The following GFRA1 variants were observed in gnomAD, a reference collection of about 807,000 sequenced individuals.
The protein encoded by GFRA1 is GDNF family receptor alpha-1.
A neutral mutation model predicts 51.6 loss-of-function variants in GFRA1; 16 were observed. The ratio of observed to expected loss-of-function variants is 0.31; its 90% CI spans 0.21 to 0.47. The LOEUF (loss-of-function observed/expected upper bound fraction) is 0.47. GFRA1 is among the 20% of genes least tolerant of loss of function. The probability of loss-of-function intolerance (pLI) is 1.00; values close to 1 mark genes in which losing one functional copy is unlikely to be tolerated. For missense variants in GFRA1, 530 were observed against 594.3 expected (o/e 0.89, Z 1.13); for synonymous variants, 270 against 241.3 (o/e 1.12, Z -1.10).
intron 9 of GFRA1, among the ~76,000 whole-genome samples, chr10:116,074,596 G>A (rs896125196): frequency 2.6e-5 from 4 of 152,206 alleles, no homozygotes; most frequent in Admixed American, 1.3e-4. Flanking sequence ...AGTGGTGAGT[G>A]CCTCTCTGAG....
intron 8 of GFRA1, among the ~76,000 whole-genome samples, chr10:116,093,105 T>C (rs911185094): frequency 2.6e-5 from 4 of 152,166 alleles, no homozygotes; most frequent in African/African-American, 7.2e-5. Flanking sequence ...CCAGTGCTTA[T>C]CTCGCCTCCA....
intron 5 of GFRA1, among the ~76,000 whole-genome samples, chr10:116,160,870 C>A (rs150415908): frequency 2.5e-4 from 38 of 152,164 alleles, no homozygotes; most frequent in Non-Finnish European, 5.1e-4. Flanking sequence ...GAAAGGAGGG[C>A]ACCTGTCAAT....
chr10:116,130,431 A>G (rs144502782), intron 5 of GFRA1, among the ~76,000 whole-genome samples: 1 of 152,244 alleles, frequency 6.6e-6, no homozygotes, highest in East Asian at 1.9e-4. Context: ...ATGGAAACGC[A>G]AAGGACACAG....
intron 5 of GFRA1, among the ~76,000 whole-genome samples, chr10:116,164,357 A>C (rs1323723125): frequency 6.6e-6 from 1 of 151,428 alleles, no homozygotes; most frequent in Non-Finnish European, 1.5e-5. Flanking sequence ...ACTAACCCCC[A>C]AAAACCTCAT....
intron 5 of GFRA1, among the ~76,000 whole-genome samples, chr10:116,169,731 A>G (rs1025106382): frequency 2.6e-5 from 4 of 152,150 alleles, no homozygotes; most frequent in Non-Finnish European, 4.4e-5. Context: ...CCACCACTCA[A>G]TAAAATCTCC....
chr10:116,064,064 CATCATGATCATGATGATCATCATCATG>C lies in GFRA1; in HGVS notation c.*307_*333del, dbSNP rs1251658960. The C allele has an allele frequency of 5.2e-5, 7 of 135,584 alleles. No individual in the cohort carries two copies. Among genetic ancestry groups the C allele is most frequent in the Admixed American group, 9.7e-5 (1 of 10,262 alleles). The allele number at this position is 135,584 out of a possible 1,614,324, so 8.4% of individuals were successfully genotyped here. On this transcript the variant is annotated 3_prime_UTR_variant, in exon 11 of 11. Coordinates refer to ENST00000355422, the MANE Select transcript of GFRA1 (RefSeq NM_005264.8). Reference sequence around the variant, plus strand: ...TCATCATCATGATCATGATGATCATCATCATGATCATGATGATCATCATCATGATCATCATCATCATCGAAAACACAG... The same window carrying C: ...TCATCATCATGATCATGATGATCATCATCATCATCATCATCGAAAACACAG...
At chr10:116,261,737 T>C (rs1411746240) in intron 4 of GFRA1, among the ~76,000 whole-genome samples, 1 of 152,250 alleles carries the variant, frequency 6.6e-6, no homozygotes, top group Admixed American at 6.5e-5. Flanking sequence ...AATAACTATG[T>C]AAGATTCAAT....
intron 6 of GFRA1, among the ~76,000 whole-genome samples, chr10:116,114,549 TC>T: frequency 6.6e-6 from 1 of 152,170 alleles, no homozygotes; most frequent in Non-Finnish European, 1.5e-5. Flanking sequence ...CCCTCACAAA[TC>T]CTACTTTAAT....
At chr10:116,071,178 C>G (rs920070458) in intron 9 of GFRA1, among the ~76,000 whole-genome samples, 1 of 152,132 alleles carries the variant, frequency 6.6e-6, no homozygotes, top group Non-Finnish European at 1.5e-5. Flanking sequence ...GCTGGGCAAG[C>G]GTGCTTCTGA....
At chr10:116,079,617 T>G (rs1320900213) in intron 9 of GFRA1, among the ~76,000 whole-genome samples, 1 of 152,036 alleles carries the variant, frequency 6.6e-6, no homozygotes, top group African/African-American at 2.4e-5. Context: ...TGAGGAAAGG[T>G]GCTACTGGTA....
intron 6 of GFRA1, among the ~76,000 whole-genome samples, chr10:116,123,363 C>T (rs374767175): frequency 7.2e-5 from 11 of 152,278 alleles, no homozygotes; most frequent in Middle Eastern, 3.4e-3. Context: ...CTTGGTCATC[C>T]GAGTCCTTCC....
chr10:116,184,367 G>A (rs1173942662), intron 5 of GFRA1, among the ~76,000 whole-genome samples: 3 of 152,120 alleles, frequency 2.0e-5, no homozygotes, highest in African/African-American at 4.8e-5. Flanking sequence ...AGGAGGGCAG[G>A]TGACAGCCTT....
chr10:116,210,996 C>T (rs1965150813), intron 5 of GFRA1, among the ~76,000 whole-genome samples: 1 of 152,174 alleles, frequency 6.6e-6, no homozygotes, highest in Non-Finnish European at 1.5e-5. Flanking sequence ...AATTGCTCTG[C>T]ATCCTAAGTG....
intron 5 of GFRA1, among the ~76,000 whole-genome samples, chr10:116,190,344 A>G (rs1024405423): frequency 2.6e-5 from 4 of 152,204 alleles, no homozygotes; most frequent in Non-Finnish European, 4.4e-5. Context: ...CACTACCTGG[A>G]CATGAGAGTG....
intron 6 of GFRA1, among the ~76,000 whole-genome samples, chr10:116,103,646 A>G (rs1956897535): frequency 6.6e-6 from 1 of 152,238 alleles, no homozygotes; most frequent in Non-Finnish European, 1.5e-5. Context: ...AAAACTGCTA[A>G]TACCTTTTGC....
Position 116,096,535 on chromosome 10 carries a change from C to A in GFRA1, c.880+120G>T, listed in dbSNP as rs79375672. ...TGTCCTCAAGGATTTAACATCCAAA[C>A]CCCAGCCCAGAGGTTACTGTGAGAT... On this transcript the variant is annotated intron_variant, in intron 7 of 10. Transcript: ENST00000355422. 0.014 allele frequency: 9,601 copies of A among 700,352 alleles called. 661 individuals carry two copies. In the African/African-American group the frequency reaches 0.15, roughly 11 times the overall value. 43.4% of individuals were successfully genotyped at this position (700,352 alleles called of 1,614,324 possible). A position where few individuals can be genotyped will look rare whatever the true frequency, so the allele number is the denominator to read the frequency against.
At chr10:116,168,678 G>C (rs1218124466) in intron 5 of GFRA1, among the ~76,000 whole-genome samples, 3 of 152,168 alleles carry the variant, frequency 2.0e-5, no homozygotes, top group African/African-American at 7.2e-5. Context: ...AATTCTTTTA[G>C]GGCCCCCACA....
At chr10:116,123,146 A>G (rs1441111864) in intron 6 of GFRA1, among the ~76,000 whole-genome samples, 1 of 152,176 alleles carries the variant, frequency 6.6e-6, no homozygotes, top group Non-Finnish European at 1.5e-5. Flanking sequence ...GGGTGCTTCG[A>G]CACCCTAATT....
At chr10:116,114,119 C>T (rs1237930904) in intron 6 of GFRA1, among the ~76,000 whole-genome samples, 5 of 152,168 alleles carry the variant, frequency 3.3e-5, no homozygotes, top group Non-Finnish European at 5.9e-5. Context: ...TCAGTGGCTG[C>T]CCTTTGCTGG....
Sources: gnomAD v4.1 joint callset for allele counts (sites outside exome capture counted in the v4.1 genomes callset) on GRCh38, gnomAD v4.1.1 for gene constraint, MANE v1.5 for transcripts, NCBI Gene and HGNC (gene_info 2026-07-23, HGNC 2026-07-21) for gene names.